ATP6V1E1: variants seen among roughly 807,000 people sequenced by gnomAD.
ATP6V1E1 encodes ATPase H+ transporting V1 subunit E1.
ATP6V1E1 carries 21 observed loss-of-function variants against 35.2 expected under a neutral mutation model. The ratio of observed to expected loss-of-function variants is 0.60; its 90% CI spans 0.42 to 0.86. The LOEUF is 0.86. ATP6V1E1 is among the 40% of genes least tolerant of loss of function. ATP6V1E1 has a pLI of 0.00. For synonymous variants in ATP6V1E1, 83 were observed against 87.8 expected, an observed-to-expected ratio of 0.95 and a Z score of 0.30; for missense variants, 183 against 272.6, an observed-to-expected ratio of 0.67 and a Z score of 2.32.
intron 1 of ATP6V1E1, among the ~76,000 whole-genome samples, chr22:17,626,233 A>T (rs1451610194): frequency 6.9e-6 from 1 of 144,258 alleles, no homozygotes; most frequent in African/African-American, 2.6e-5. Context: ...GCATGAACCC[A>T]GGAGGTGGAG....
At chr22:17,603,071 C>T (rs1367926445) in intron 4 of ATP6V1E1, among the ~76,000 whole-genome samples, 1 of 152,158 alleles carries the variant, frequency 6.6e-6, no homozygotes, top group Admixed American at 6.6e-5. Flanking sequence ...ATTCTCCCAC[C>T]TCAGCCTCCT....
At chr22:17,606,032 G>A (rs952247121) in intron 4 of ATP6V1E1, among the ~76,000 whole-genome samples, 2 of 152,078 alleles carry the variant, frequency 1.3e-5, no homozygotes, top group African/African-American at 4.8e-5. Flanking sequence ...CTACTGAGCA[G>A]CTGGGAATGG....
intron 4 of ATP6V1E1, among the ~76,000 whole-genome samples, chr22:17,602,336 A>G (rs1355424756): frequency 4.0e-5 from 6 of 151,536 alleles, no homozygotes; most frequent in African/African-American, 1.5e-4. Context: ...ACTGGATATC[A>G]TTTGTTAAGT....
intron 4 of ATP6V1E1, among the ~76,000 whole-genome samples, chr22:17,609,076 G>C (rs2057800739): frequency 6.6e-6 from 1 of 151,418 alleles, no homozygotes; most frequent in African/African-American, 2.4e-5. Flanking sequence ...CTGGGCGATA[G>C]AGCGAGACTC....
chr22:17,610,335 T>C (rs1362929321), intron 4 of ATP6V1E1, among the ~76,000 whole-genome samples: 3 of 151,924 alleles, frequency 2.0e-5, no homozygotes, highest in Non-Finnish European at 4.4e-5. Context: ...AAATTACAAG[T>C]CAAGTCAAAT....
rs1314210378 is a variant in ATP6V1E1, at chr22:17,612,825, T to C, written c.263A>G (p.Asp88Gly). ...CTAATTACTCACTGTGATAAGGTCA[T>C]CTCTTGCTCTGAGGACTTTGAGTCT... ...QARLKVLRAR[D>G]DLITDLLNEA... Residue 88 changes from aspartate (D) to glycine (G), a missense_variant, in exon 4 of 9, where the codon GAT becomes GGT. By Grantham distance (94) the Asp-to-Gly change is moderately conservative (BLOSUM62 -1). Transcript: ENST00000253413. 6.2e-7 allele frequency: 1 copy of C among 1,605,296 alleles called. No individual in the cohort carries two copies. Among genetic ancestry groups the C allele is most frequent in the Non-Finnish European group, 8.5e-7 (1 of 1,178,022 alleles).
rs754712901 is a variant in ATP6V1E1 at position 17,613,299 on chromosome 22, C to G, written c.121G>C (p.Glu41Gln). 1.2e-6 allele frequency: 2 copies of G among 1,613,658 alleles called. No homozygotes were observed. The highest frequency in any genetic ancestry group is 3.3e-5 in the Admixed American group (2 of 59,980). Residue 41 changes from glutamate (E) to glutamine (Q), a missense_variant, in exon 3 of 9, where the codon GAG becomes CAG. Physicochemically the swap from Glu to Gln is conservative, Grantham distance 29. Coordinates refer to ENST00000253413, the MANE Select transcript of ATP6V1E1 (RefSeq NM_001696.4). ...DAKAEEEFNI[E>Q]KGRLVQTQRL... ...TGGGTTTGCACAAGCCGACCTTTCT[C>G]TATGTTGAACTCTTCTTCTGCCTAG...
intron 1 of ATP6V1E1, among the ~76,000 whole-genome samples, chr22:17,628,385 G>A (rs979454151): frequency 6.6e-6 from 1 of 152,266 alleles, no homozygotes; most frequent in African/African-American, 2.4e-5. Context: ...AAGGCAGCGC[G>A]CAGGCAAGCG....
At chr22:17,598,046 G>T (rs1289995713) in intron 7 of ATP6V1E1, 148 bp downstream of exon 7, 2 of 651,398 alleles carry the variant, frequency 3.1e-6, no homozygotes, top group Non-Finnish European at 5.4e-6. Flanking sequence ...AGAACAACAG[G>T]AACGGCTGCA....
chr22:17,594,292 A>G (rs894438079), intron 8 of ATP6V1E1, among the ~76,000 whole-genome samples: 1 of 152,210 alleles, frequency 6.6e-6, no homozygotes, highest in Admixed American at 6.5e-5. Flanking sequence ...ATGTAGTAAA[A>G]TGTACATATT....
intron 2 of ATP6V1E1, among the ~76,000 whole-genome samples, chr22:17,618,452 G>C (rs1197033856): frequency 6.6e-6 from 1 of 152,066 alleles, no homozygotes; most frequent in East Asian, 1.9e-4. Context: ...GGAGGCCGAG[G>C]CAGGCAGATC....
chr22:17,598,148 C>A, intron 7 of ATP6V1E1, 46 bp downstream of exon 7: 1 of 1,489,160 alleles, frequency 6.7e-7, no homozygotes, highest in East Asian at 2.3e-5. Context: ...AAAGGCCACT[C>A]TCCCAGGGAG....
At chr22:17,618,451 G>C (rs535721368) in intron 2 of ATP6V1E1, among the ~76,000 whole-genome samples, 59 of 151,618 alleles carry the variant, frequency 3.9e-4, no homozygotes, top group Non-Finnish European at 1.8e-4. Context: ...GGGAGGCCGA[G>C]GCAGGCAGAT....
intron 4 of ATP6V1E1, among the ~76,000 whole-genome samples, chr22:17,609,128 A>T (rs1189367202): frequency 3.0e-5 from 4 of 132,442 alleles, no homozygotes; most frequent in Non-Finnish European, 5.9e-5. Context: ...CAAACAAACA[A>T]ACAAACAAAA....
At chr22:17,596,784 T>C (rs775593272) in intron 7 of ATP6V1E1, among the ~76,000 whole-genome samples, 12 of 152,108 alleles carry the variant, frequency 7.9e-5, no homozygotes, top group East Asian at 1.9e-4. Context: ...TCACATGTAC[T>C]ATCTCATCTT....
chr22:17,601,034 C>A, intron 5 of ATP6V1E1, 58 bp downstream of exon 5: 1 of 1,396,134 alleles, frequency 7.2e-7, no homozygotes, highest in South Asian at 1.3e-5. Context: ...CTCTAATAGG[C>A]ATTCTAAATT....
chr22:17,612,636 G>T, intron 4 of ATP6V1E1, 176 bp downstream of exon 4: 1 of 594,678 alleles, frequency 1.7e-6, no homozygotes. Context: ...TAGATCAGAA[G>T]GTCCTTCAAT....
rs3532 is a variant in ATP6V1E1 at position 17,592,497 on chromosome 22, T to C, written c.*177A>G. The C allele has an allele frequency of 0.15, 99,356 of 677,170 alleles. 8,345 individuals carry two copies. The highest frequency in any genetic ancestry group is 0.18 in the Non-Finnish European group (70,711 of 395,836). 41.9% of individuals were successfully genotyped at this position (677,170 alleles called of 1,614,324 possible). A position where few individuals can be genotyped will look rare whatever the true frequency, so the allele number is the denominator to read the frequency against. On this transcript the variant is annotated 3_prime_UTR_variant, in exon 9 of 9. Coordinates refer to ENST00000253413, the MANE Select transcript of ATP6V1E1 (RefSeq NM_001696.4). ...GGGTCCTGATCATATTACATGAAGCTTTCCACCATTGTGAACAATTAGGCA... is the reference window on the plus strand; with the variant it reads ...GGGTCCTGATCATATTACATGAAGCCTTCCACCATTGTGAACAATTAGGCA...
At chr22:17,599,049 G>A (rs770591165) in intron 6 of ATP6V1E1, among the ~76,000 whole-genome samples, 40 of 152,128 alleles carry the variant, frequency 2.6e-4, no homozygotes, top group Admixed American at 5.2e-4. Context: ...TAAGTGAAAT[G>A]AAACAGTCAC....
Sources: allele counts gnomAD v4.1 joint callset (sites outside exome capture counted in the v4.1 genomes callset), GRCh38; gene constraint gnomAD v4.1.1; transcripts MANE v1.5; gene names NCBI Gene and HGNC (gene_info 2026-07-23, HGNC 2026-07-21).